The following ZNRF1 variants were observed in gnomAD, a reference collection of about 807,000 sequenced individuals.
ZNRF1 encodes E3 ubiquitin-protein ligase ZNRF1.
ZNRF1 carries 3 observed loss-of-function variants against 18.4 expected under a neutral mutation model. The ratio of observed to expected loss-of-function variants is 0.16; its 90% CI spans 0.07 to 0.42. The LOEUF (loss-of-function observed/expected upper bound fraction) is 0.42, where lower values mean the gene tolerates loss of function less well. Ranked by LOEUF, ZNRF1 falls within the 10% of genes least tolerant of loss-of-function variation. The probability of loss-of-function intolerance (pLI) is 0.99; values close to 1 mark genes in which losing one functional copy is unlikely to be tolerated. For synonymous variants in ZNRF1, 157 were observed against 144.2 expected (o/e 1.09, Z -0.64); for missense variants, 310 against 329.8 (o/e 0.94, Z 0.47).
chr16:75,084,154 G>T (rs2036047919), intron 1 of ZNRF1, among the ~76,000 whole-genome samples: 1 of 152,202 alleles, frequency 6.6e-6, no homozygotes, highest in South Asian at 2.1e-4. Flanking sequence ...TTGGGTGTGT[G>T]CACGTTCTTC....
At position 75,076,627 on chromosome 16, in the gene ZNRF1, G is replaced by T. The variant is rs1389724694; in HGVS notation, c.425-16945G>T. Reference sequence around the variant, plus strand: ...TCCATAGCACATGGCATCCTCTCTTGGGGCACAGTTTTCAATGGTTTCCCA... The same window carrying T: ...TCCATAGCACATGGCATCCTCTCTTTGGGCACAGTTTTCAATGGTTTCCCA... On this transcript the variant is annotated intron_variant, in intron 1 of 4. Transcript: ENST00000335325. Among the ~76,000 whole-genome samples, 15 of 146,822 alleles carry T rather than the reference G, an allele frequency of 1.0e-4. No individual in the cohort carries two copies. In the South Asian group the frequency reaches 2.7e-3, roughly 26 times the overall value.
intron 1 of ZNRF1, among the ~76,000 whole-genome samples, chr16:75,014,455 A>G (rs2035040433): frequency 6.6e-6 from 1 of 152,220 alleles, no homozygotes; most frequent in Non-Finnish European, 1.5e-5. Flanking sequence ...TGGAGGTAGT[A>G]TATAAATTCA....
chr16:75,000,568 C>T lies in ZNRF1; in HGVS notation c.424+473C>T, dbSNP rs576581298. Among the ~76,000 whole-genome samples, 8 of 152,346 alleles carry T rather than the reference C, an allele frequency of 5.3e-5. No individual in the cohort carries two copies. The East Asian group carries it at 1.5e-3, about 29-fold the overall frequency. On this transcript the variant is annotated intron_variant, in intron 1 of 4. Transcript: ENST00000335325. ...TGATGCCTGGATTAGGGCTCTCACTCTTGCTGGGAGAGAGAGGTGCCCAGT... is the reference window on the plus strand; with the variant it reads ...TGATGCCTGGATTAGGGCTCTCACTTTTGCTGGGAGAGAGAGGTGCCCAGT...
intron 1 of ZNRF1, among the ~76,000 whole-genome samples, chr16:75,021,176 GA>G (rs1351574752): frequency 6.6e-6 from 1 of 152,154 alleles, no homozygotes; most frequent in African/African-American, 2.4e-5. Context: ...AAGTAGCTGG[GA>G]TCACAAGTGT....
rs1222071201 is a variant in ZNRF1 at position 75,108,463 on chromosome 16, TAAAC to T, written c.*767_*770del. Reference sequence around the variant, plus strand: ...CGTGGATTTTTTTTTTCAGAAAACTTAAACAAAAAAAGACTTACTAAGAAATATG... The same window carrying T: ...CGTGGATTTTTTTTTTCAGAAAACTTAAAAAAAGACTTACTAAGAAATATG... On this transcript the variant is annotated 3_prime_UTR_variant, in exon 5 of 5. Coordinates refer to ENST00000335325, the MANE Select transcript of ZNRF1 (RefSeq NM_032268.5). The T allele has an allele frequency of 2.5e-6, 1 of 397,440 alleles. No homozygotes were observed. 24.6% of individuals were successfully genotyped at this position (397,440 alleles called of 1,614,324 possible). A position where few individuals can be genotyped will look rare whatever the true frequency, so the allele number is the denominator to read the frequency against.
At chr16:75,044,478 C>T (rs1445869009) in intron 1 of ZNRF1, among the ~76,000 whole-genome samples, 1 of 152,032 alleles carries the variant, frequency 6.6e-6, no homozygotes, top group African/African-American at 2.4e-5. Flanking sequence ...CTGCCTGCCT[C>T]GGCCTCCAAA....
At chr16:75,051,717 C>T (rs1302219845) in intron 1 of ZNRF1, among the ~76,000 whole-genome samples, 3 of 152,070 alleles carry the variant, frequency 2.0e-5, no homozygotes, top group Admixed American at 6.6e-5. Flanking sequence ...GGGGTTTCAC[C>T]GTGTTGGTCA....
intron 2 of ZNRF1, among the ~76,000 whole-genome samples, chr16:75,101,524 G>C (rs1284951080): frequency 6.6e-6 from 1 of 151,872 alleles, no homozygotes; most frequent in Non-Finnish European, 1.5e-5. Flanking sequence ...CCATCCTGGC[G>C]ATAGAGCGAG....
intron 1 of ZNRF1, among the ~76,000 whole-genome samples, chr16:75,075,429 A>G (rs1041982550): frequency 2.8e-4 from 42 of 152,226 alleles, no homozygotes; most frequent in Non-Finnish European, 3.2e-4. Flanking sequence ...ATTCTGTCTC[A>G]CACACGCTTC....
chr16:75,081,987 A>C (rs1285806424), intron 1 of ZNRF1, among the ~76,000 whole-genome samples: 1 of 152,198 alleles, frequency 6.6e-6, no homozygotes, highest in Non-Finnish European at 1.5e-5. Flanking sequence ...CATCTTTCTT[A>C]GACAGTAGTT....
Position 75,108,082 on chromosome 16 carries a change from G to A in ZNRF1, c.*382G>A. 2 of 285,966 alleles carry A rather than the reference G, an allele frequency of 7.0e-6. No individual in the cohort carries two copies. Among genetic ancestry groups the A allele is most frequent in the Non-Finnish European group, 1.4e-5 (2 of 145,770 alleles). 17.7% of individuals were successfully genotyped at this position (285,966 alleles called of 1,614,324 possible). A position where few individuals can be genotyped will look rare whatever the true frequency, so the allele number is the denominator to read the frequency against. The stretch of plus-strand genomic sequence containing the variant: ...TGATGTTTACAGCTTGCTGTTTGCT[G>A]CCCAGCCATAACCCACTCAGTGACA... On this transcript the variant is annotated 3_prime_UTR_variant, in exon 5 of 5. Transcript: ENST00000335325.
rs201377356 is a variant in ZNRF1 at position 75,106,479 on chromosome 16, C to T, written c.627-3C>T. The T allele has an allele frequency of 6.2e-7, 1 of 1,614,114 alleles. No individual in the cohort carries two copies. Among genetic ancestry groups the T allele is most frequent in the Non-Finnish European group, 8.5e-7 (1 of 1,180,010 alleles). ...GGTTTCCCTTGCGGCCCCCTCCTCC[C>T]AGCTGCATAGACTCGTGGTTTGAAG... On this transcript the variant is annotated splice_region_variant and splice_polypyrimidine_tract_variant and intron_variant, in intron 3 of 4. Transcript: ENST00000335325.
At chr16:75,092,204 G>A (rs960498371) in intron 1 of ZNRF1, among the ~76,000 whole-genome samples, 4 of 144,322 alleles carry the variant, frequency 2.8e-5, no homozygotes, top group African/African-American at 9.8e-5. Flanking sequence ...TTTAGTGTTC[G>A]TTAAGTGGAA....
intron 1 of ZNRF1, among the ~76,000 whole-genome samples, chr16:75,055,749 A>C (rs1011860002): frequency 2.6e-5 from 4 of 152,160 alleles, no homozygotes; most frequent in African/African-American, 9.7e-5. Context: ...TAGAGATTAA[A>C]GATCTTTGAT....
At chr16:75,071,420 C>A (rs893069250) in intron 1 of ZNRF1, among the ~76,000 whole-genome samples, 1 of 152,158 alleles carries the variant, frequency 6.6e-6, no homozygotes, top group Non-Finnish European at 1.5e-5. Context: ...CATTCCCTCA[C>A]GTGTCTGGTT....
intron 1 of ZNRF1, among the ~76,000 whole-genome samples, chr16:75,035,220 G>A (rs1206910684): frequency 6.7e-6 from 1 of 149,268 alleles, no homozygotes; most frequent in Non-Finnish European, 1.5e-5. Flanking sequence ...TTTTTGTAGT[G>A]ACAGGGTTTT....
rs1327403120 is a variant in ZNRF1, at chr16:75,054,486, T to A, written c.425-39086T>A. ...TTCCTGCCTGATTCTCTGGGCAGAT[T>A]TCTCCATAGGGTCTGCAGGGAAGTG... is the stretch of plus-strand genomic sequence containing the variant. On this transcript the variant is annotated intron_variant, in intron 1 of 4. Coordinates refer to ENST00000335325, the MANE Select transcript of ZNRF1 (RefSeq NM_032268.5). Among the ~76,000 whole-genome samples the A allele has an allele frequency of 3.9e-5, 6 of 152,294 alleles. No individual in the cohort carries two copies. The East Asian group carries it at 1.2e-3, about 29-fold the overall frequency.
At chr16:75,090,375 G>C (rs76345177) in intron 1 of ZNRF1, among the ~76,000 whole-genome samples, 1 of 139,616 alleles carries the variant, frequency 7.2e-6, no homozygotes, top group African/African-American at 2.5e-5. Context: ...TGTTGTTGTT[G>C]TTCTGGTTGT....
At chr16:75,028,466 T>C (rs981144104) in intron 1 of ZNRF1, among the ~76,000 whole-genome samples, 8 of 152,172 alleles carry the variant, frequency 5.3e-5, no homozygotes, top group Admixed American at 2.6e-4. Flanking sequence ...GCTAATTTTT[T>C]GTGTTTTTAG....
Sources: gnomAD v4.1 joint callset for allele counts (sites outside exome capture counted in the v4.1 genomes callset) on GRCh38, gnomAD v4.1.1 for gene constraint, MANE v1.5 for transcripts, NCBI Gene and HGNC (gene_info 2026-07-23, HGNC 2026-07-21) for gene names.